Variants in CPNE4 observed in about 807,000 individuals in gnomAD.
The protein encoded by CPNE4 is copine-4.
In CPNE4, 25 loss-of-function variants were observed where a neutral mutation model predicts 67.9. The observed-to-expected ratio is 0.37, with a 90% confidence interval of 0.27 to 0.51. The LOEUF (loss-of-function observed/expected upper bound fraction) is 0.51, where lower values mean the gene tolerates loss of function less well. CPNE4 is among the 20% of genes least tolerant of loss of function. CPNE4 has a pLI of 0.93. For synonymous variants in CPNE4, 242 were observed against 244.9 expected (o/e 0.99, Z 0.11); for missense variants, 464 against 690.8 (o/e 0.67, Z 3.68).
intron 1 of CPNE4, among the ~76,000 whole-genome samples, chr3:132,024,742 T>C (rs1358015715): frequency 6.6e-6 from 1 of 152,176 alleles, no homozygotes; most frequent in Non-Finnish European, 1.5e-5. Context: ...TAATCATAAA[T>C]TGATTGACAG....
intron 2 of CPNE4, among the ~76,000 whole-genome samples, chr3:131,872,485 C>T (rs1029117194): frequency 6.6e-6 from 1 of 152,162 alleles, no homozygotes; most frequent in Admixed American, 6.5e-5. Context: ...GAGGGTCAGC[C>T]TGTTTGTTCT....
intron 2 of CPNE4, among the ~76,000 whole-genome samples, chr3:131,803,835 G>A (rs1213145632): frequency 2.0e-5 from 3 of 152,210 alleles, no homozygotes; most frequent in African/African-American, 7.2e-5. Flanking sequence ...ACATTAAGCA[G>A]TGATCAAAAT....
intron 9 of CPNE4, among the ~76,000 whole-genome samples, chr3:131,577,939 C>T (rs1264396539): frequency 6.6e-6 from 1 of 151,916 alleles, no homozygotes; most frequent in Non-Finnish European, 1.5e-5. Context: ...TACAACTGCT[C>T]CTGGACTTAC....
intron 2 of CPNE4, among the ~76,000 whole-genome samples, chr3:131,801,944 A>C (rs1302597162): frequency 6.7e-6 from 1 of 150,182 alleles, no homozygotes; most frequent in Non-Finnish European, 1.5e-5. Flanking sequence ...GTAATAATAA[A>C]ATGGTTTTAA....
intron 2 of CPNE4, among the ~76,000 whole-genome samples, chr3:131,801,371 CCATATATATATATATGGTA>C (rs1267903861): frequency 0.013 from 1,218 of 95,896 alleles, 29 homozygotes; most frequent in African/African-American, 0.044. Flanking sequence ...TATATATGTA[CCATATATATATATATGGTA>C]CATATATATA....
chr3:131,946,308 CATA>C (rs1391751817), intron 1 of CPNE4, among the ~76,000 whole-genome samples: 1 of 152,164 alleles, frequency 6.6e-6, no homozygotes, highest in African/African-American at 2.4e-5. Flanking sequence ...TTGTACATAG[CATA>C]ATACTTTAAA....
chr3:131,977,195 C>A (rs1377666424), intron 1 of CPNE4, among the ~76,000 whole-genome samples: 1 of 152,118 alleles, frequency 6.6e-6, no homozygotes, highest in African/African-American at 2.4e-5. Flanking sequence ...TTAACTAATT[C>A]TTCTGAGCAA....
At chr3:131,602,055 T>C (rs1346278166) in intron 7 of CPNE4, among the ~76,000 whole-genome samples, 8 of 152,198 alleles carry the variant, frequency 5.3e-5, no homozygotes. Flanking sequence ...AGTTGTTAAA[T>C]TTCAGATTTC....
chr3:131,760,528 C>G (rs953889311), intron 2 of CPNE4, among the ~76,000 whole-genome samples: 1 of 152,142 alleles, frequency 6.6e-6, no homozygotes, highest in African/African-American at 2.4e-5. Context: ...CTATGCTTTA[C>G]TTTAGGAGGT....
chr3:131,742,884 C>T (rs2082390937), intron 2 of CPNE4, among the ~76,000 whole-genome samples: 1 of 151,854 alleles, frequency 6.6e-6, no homozygotes, highest in African/African-American at 2.4e-5. Flanking sequence ...AAAAGTATAG[C>T]CTTAAATGCC....
chr3:131,873,696 CT>C (rs1458021484), intron 2 of CPNE4, among the ~76,000 whole-genome samples: 1 of 152,206 alleles, frequency 6.6e-6, no homozygotes, highest in Non-Finnish European at 1.5e-5. Context: ...GTCCCTGCCC[CT>C]GAGAAGTCCA....
chr3:132,008,626 C>G (rs928766370), intron 1 of CPNE4, among the ~76,000 whole-genome samples: 1 of 152,078 alleles, frequency 6.6e-6, no homozygotes, highest in Non-Finnish European at 1.5e-5. Flanking sequence ...TGTGCACAGA[C>G]GTGTACATTT....
At chr3:131,646,777 G>T (rs1398631281) in intron 7 of CPNE4, among the ~76,000 whole-genome samples, 2 of 152,180 alleles carry the variant, frequency 1.3e-5, no homozygotes, top group African/African-American at 2.4e-5. Context: ...AAATGAGCTG[G>T]TTGAAGAAAA....
chr3:131,835,370 A>C (rs1258771968), intron 2 of CPNE4, among the ~76,000 whole-genome samples: 2 of 152,144 alleles, frequency 1.3e-5, no homozygotes, highest in South Asian at 2.1e-4. Context: ...CTCTACTAAA[A>C]ATACAAAAAT....
At chr3:131,647,829 C>G (rs1438223579) in intron 7 of CPNE4, among the ~76,000 whole-genome samples, 3 of 152,116 alleles carry the variant, frequency 2.0e-5, no homozygotes, top group Non-Finnish European at 2.9e-5. Flanking sequence ...CATTTCCTAC[C>G]AAATTTATTG....
intron 2 of CPNE4, among the ~76,000 whole-genome samples, chr3:131,872,832 T>G (rs9834926): frequency 0.64 from 97,061 of 152,046 alleles, 31,232 homozygotes; most frequent in Admixed American, 0.73. Flanking sequence ...GGCCCCCAGT[T>G]AATATGTCAC....
chr3:131,732,052 A>G (rs2082139929), intron 2 of CPNE4, among the ~76,000 whole-genome samples: 1 of 152,196 alleles, frequency 6.6e-6, no homozygotes, highest in Non-Finnish European at 1.5e-5. Flanking sequence ...TGTAGAACCA[A>G]TAATACTATA....
intron 2 of CPNE4, among the ~76,000 whole-genome samples, chr3:131,808,514 CAA>C (rs1036543942): frequency 4.2e-5 from 6 of 141,502 alleles, no homozygotes; most frequent in South Asian, 2.4e-4. Context: ...AACTAAAACT[CAA>C]AGAGAAAAAA....
intron 1 of CPNE4, among the ~76,000 whole-genome samples, chr3:132,028,060 G>T (rs2074153679): frequency 6.6e-6 from 1 of 152,124 alleles, no homozygotes; most frequent in African/African-American, 2.4e-5. Flanking sequence ...TTTACTTCAT[G>T]ATATTGATGA....
Sources: allele counts gnomAD v4.1 joint callset (sites outside exome capture counted in the v4.1 genomes callset), GRCh38; gene constraint gnomAD v4.1.1; transcripts MANE v1.5; gene names NCBI Gene and HGNC (gene_info 2026-07-23, HGNC 2026-07-21).